The following PPP6R3 variants were observed in gnomAD, a reference collection of about 807,000 sequenced individuals.
PPP6R3 encodes protein phosphatase 6 regulatory subunit 3.
In PPP6R3, 38 loss-of-function variants were observed where a neutral mutation model predicts 110.7. The ratio of observed to expected loss-of-function variants is 0.34; its 90% CI spans 0.26 to 0.45. The LOEUF (loss-of-function observed/expected upper bound fraction) is 0.45, where lower values mean the gene tolerates loss of function less well. PPP6R3 is among the 20% of genes least tolerant of loss of function. The probability of loss-of-function intolerance (pLI) is 1.00; values close to 1 mark genes in which losing one functional copy is unlikely to be tolerated. For synonymous variants in PPP6R3, 369 were observed against 373.5 expected, an observed-to-expected ratio of 0.99 and a Z score of 0.14; for missense variants, 870 against 1,062.4, an observed-to-expected ratio of 0.82 and a Z score of 2.52.
intron 2 of PPP6R3, among the ~76,000 whole-genome samples, chr11:68,531,306 G>GTTTT (rs1252645258): frequency 1.3e-3 from 131 of 102,842 alleles, no homozygotes; most frequent in East Asian, 2.9e-3. Flanking sequence ...CTGAGACTGT[G>GTTTT]TTTTATTTAT....
intron 18 of PPP6R3, 150 bp from the exon 19 acceptor site, chr11:68,595,947 C>A: frequency 1.1e-6 from 1 of 923,252 alleles, no homozygotes. Flanking sequence ...GCTGAGTCTT[C>A]CCGGGCATCC....
intron 8 of PPP6R3, among the ~76,000 whole-genome samples, chr11:68,562,691 A>G (rs575903226): frequency 2.0e-5 from 3 of 152,316 alleles, no homozygotes; most frequent in South Asian, 2.1e-4. Flanking sequence ...ATCGTCCTGA[A>G]TGGTTAGGTA....
intron 1 of PPP6R3, among the ~76,000 whole-genome samples, chr11:68,510,088 A>G (rs1271341051): frequency 2.0e-5 from 1 of 49,214 alleles, no homozygotes; most frequent in Non-Finnish European, 3.7e-5. Context: ...TAAGTTTTGT[A>G]GAGGTGGGGG....
At chr11:68,543,152 T>G (rs2099328509) in intron 3 of PPP6R3, among the ~76,000 whole-genome samples, 1 of 152,334 alleles carries the variant, frequency 6.6e-6, no homozygotes, top group Non-Finnish European at 1.5e-5. Flanking sequence ...GTCTTAATCT[T>G]ACTAACTTGG....
intron 5 of PPP6R3, among the ~76,000 whole-genome samples, chr11:68,549,475 G>A (rs75697550): frequency 0.049 from 7,435 of 152,220 alleles, 210 homozygotes; most frequent in Middle Eastern, 0.12. Flanking sequence ...CCCAGGCACT[G>A]TGATCACTGT....
At chr11:68,516,769 G>C (rs573155688) in intron 1 of PPP6R3, among the ~76,000 whole-genome samples, 1 of 152,284 alleles carries the variant, frequency 6.6e-6, no homozygotes, top group Non-Finnish European at 1.5e-5. Context: ...AGGAATGAAT[G>C]TTAACGGTTT....
At chr11:68,554,649 A>G (rs992114155) in intron 7 of PPP6R3, among the ~76,000 whole-genome samples, 3 of 152,204 alleles carry the variant, frequency 2.0e-5, no homozygotes, top group African/African-American at 7.2e-5. Flanking sequence ...GATTCATTGT[A>G]TCTTTGCAGC....
chr11:68,614,744 C>G lies in PPP6R3; in HGVS notation c.*1627C>G. ...ACGCCTCCTCAGGAACCCCCTTTCC[C>G]GGGTGAGCCCCTCTCTGAAGAGACT... On this transcript the variant is annotated 3_prime_UTR_variant, in exon 24 of 24. Coordinates refer to ENST00000393800, the MANE Select transcript of PPP6R3 (RefSeq NM_001164161.2). 1 of 1,535,094 alleles carries G rather than the reference C, an allele frequency of 6.5e-7. No individual in the cohort carries two copies. Among genetic ancestry groups the G allele is most frequent in the South Asian group, 1.2e-5 (1 of 82,316 alleles).
At chr11:68,579,894 AG>A (rs1431315692) in intron 14 of PPP6R3, among the ~76,000 whole-genome samples, 2 of 152,242 alleles carry the variant, frequency 1.3e-5, no homozygotes, top group Non-Finnish European at 2.9e-5. Context: ...GGTCTGCAGT[AG>A]GCTCTACCAT....
At chr11:68,518,243 T>C (rs767164465) in intron 1 of PPP6R3, among the ~76,000 whole-genome samples, 4 of 152,218 alleles carry the variant, frequency 2.6e-5, no homozygotes, top group Non-Finnish European at 4.4e-5. Context: ...CTGGCAAATA[T>C]AATTTTAACC....
chr11:68,477,684 G>A (rs1324593789), intron 1 of PPP6R3, among the ~76,000 whole-genome samples: 15 of 143,760 alleles, frequency 1.0e-4, no homozygotes, highest in African/African-American at 2.6e-4. Context: ...CTGTGATTGC[G>A]CCACTGCACT....
rs144583050 is a variant in PPP6R3, at chr11:68,614,185, C to T, written c.*1068C>T. ...CGAAGCATGCTAATTGTTTACTGTA[C>T]CTTGTGAGGTTTTCACTCATAAATT... On this transcript the variant is annotated 3_prime_UTR_variant, in exon 24 of 24. Transcript: ENST00000393800. 1,250 of 987,794 alleles carry T rather than the reference C, an allele frequency of 1.3e-3. 1 individual carries two copies. In the Middle Eastern group the frequency reaches 0.019, roughly 15 times the overall value. The allele number at this position is 987,794 out of a possible 1,614,324, so 61.2% of individuals were successfully genotyped here.
chr11:68,568,869 A>G (rs2099490463), intron 10 of PPP6R3, among the ~76,000 whole-genome samples: 2 of 151,106 alleles, frequency 1.3e-5, no homozygotes, highest in African/African-American at 4.9e-5. Flanking sequence ...GGTTCACGCC[A>G]TTCTCCTGCC....
chr11:68,612,505 C>A (rs576640378), intron 23 of PPP6R3, among the ~76,000 whole-genome samples: 1 of 152,094 alleles, frequency 6.6e-6, no homozygotes, highest in South Asian at 2.1e-4. Context: ...TATACTGTCC[C>A]ACCTGTTATT....
Position 68,600,475 on chromosome 11 carries a change from G to C in PPP6R3, c.2173G>C (p.Glu725Gln), listed in dbSNP as rs2298702. The C allele has an allele frequency of 3.9e-4, 629 of 1,613,994 alleles. 4 individuals carry two copies. In the East Asian group the frequency reaches 0.012, roughly 30 times the overall value. Residue 725 changes from glutamate to glutamine, a missense_variant, in exon 20 of 24, where the codon GAG becomes CAG. Physicochemically the swap from Glu to Gln is conservative, Grantham distance 29 (BLOSUM62 2). Transcript: ENST00000393800. ...AGAGACGGGCTGGGCTTCTTTTTCA[G>C]AGTTCACGTCTTCCCTGAGGTGAGC... ...TKETGWASFS[E>Q]FTSSLSTKDS...
chr11:68,535,699 A>G (rs1430087700), intron 2 of PPP6R3, among the ~76,000 whole-genome samples: 1 of 151,222 alleles, frequency 6.6e-6, no homozygotes, highest in African/African-American at 2.4e-5. Context: ...ACGGTAACTC[A>G]TGCCTGTAAT....
chr11:68,582,353 G>T (rs2099559696), intron 14 of PPP6R3, among the ~76,000 whole-genome samples: 1 of 152,166 alleles, frequency 6.6e-6, no homozygotes, highest in Non-Finnish European at 1.5e-5. Flanking sequence ...CCCAAATATT[G>T]TGTGACATTT....
chr11:68,545,067 C>G, intron 4 of PPP6R3, 43 bp downstream of exon 4: 1 of 1,447,930 alleles, frequency 6.9e-7, no homozygotes, highest in Non-Finnish European at 9.5e-7. Context: ...GGCTGATCAT[C>G]CCCTTGAGGT....
intron 1 of PPP6R3, among the ~76,000 whole-genome samples, chr11:68,476,291 T>C (rs1209608595): frequency 6.6e-6 from 1 of 151,866 alleles, no homozygotes; most frequent in African/African-American, 2.4e-5. Flanking sequence ...CGAAACCCCG[T>C]CTCCACCAAA....
Sources: allele counts gnomAD v4.1 joint callset (sites outside exome capture counted in the v4.1 genomes callset), GRCh38; gene constraint gnomAD v4.1.1; transcripts MANE v1.5; gene names NCBI Gene and HGNC (gene_info 2026-07-23, HGNC 2026-07-21).